PDE10A: variants seen among roughly 807,000 people sequenced by gnomAD.
PDE10A encodes phosphodiesterase 10A.
PDE10A carries 39 observed loss-of-function variants against 97.7 expected under a neutral mutation model. The ratio of observed to expected loss-of-function variants is 0.40; its 90% CI spans 0.31 to 0.52. The LOEUF is 0.52. PDE10A is among the 20% of genes least tolerant of loss of function. The pLI is 0.56. For missense variants in PDE10A, 731 were observed against 1,047.8 expected, an observed-to-expected ratio of 0.70 and a Z score of 4.17; for synonymous variants, 371 against 376.8, an observed-to-expected ratio of 0.98 and a Z score of 0.18.
intron 1 of PDE10A, among the ~76,000 whole-genome samples, chr6:165,827,047 C>T (rs1395931483): frequency 2.0e-5 from 3 of 152,258 alleles, no homozygotes; most frequent in South Asian, 4.1e-4. Context: ...CCTCGGTTGT[C>T]CCCTGACCAG....
intron 13 of PDE10A, among the ~76,000 whole-genome samples, chr6:165,407,331 C>T (rs932141297): frequency 1.3e-5 from 2 of 152,148 alleles, no homozygotes; most frequent in Non-Finnish European, 2.9e-5. Context: ...CTGGCTCTAT[C>T]ACATACTTGC....
intron 13 of PDE10A, among the ~76,000 whole-genome samples, chr6:165,406,649 G>A (rs1482476398): frequency 1.3e-5 from 2 of 152,098 alleles, no homozygotes; most frequent in Non-Finnish European, 2.9e-5. Context: ...TGGGTTAGAG[G>A]ATGCTCGGAT....
At position 165,453,798 on chromosome 6, in the gene PDE10A, G is replaced by A. The variant is rs180902288; in HGVS notation, c.1024-3436C>T. On this transcript the variant is annotated intron_variant, in intron 3 of 21. Coordinates refer to ENST00000539869, the MANE Select transcript of PDE10A (RefSeq NM_001385079.1). ...CAAACTTGTTACAGCAGTGGAGCCC[G>A]CACAGACAGCCCCCAGTAGGCCAAT... Among the ~76,000 whole-genome samples the A allele has an allele frequency of 2.5e-3, 377 of 152,318 alleles. 2 individuals are homozygous for A. Among genetic ancestry groups the A allele is most frequent in the African/African-American group, 8.4e-3 (351 of 41,574 alleles).
chr6:165,453,374 C>T (rs1265314666), intron 3 of PDE10A, among the ~76,000 whole-genome samples: 2 of 152,152 alleles, frequency 1.3e-5, no homozygotes, highest in Non-Finnish European at 2.9e-5. Context: ...TTTCTAAAAA[C>T]CTAAGTAGAG....
upstream of PDE10A, among the ~76,000 whole-genome samples, chr6:165,666,474 G>A (rs1337629057): frequency 7.9e-5 from 12 of 152,092 alleles, no homozygotes; most frequent in East Asian, 2.3e-3. Flanking sequence ...AAAATTATGT[G>A]CGTTTTACAT....
intron 1 of PDE10A, among the ~76,000 whole-genome samples, chr6:165,647,429 C>A (rs1293214294): frequency 3.3e-5 from 5 of 152,170 alleles, no homozygotes; most frequent in African/African-American, 7.2e-5. Context: ...GAGGTGAATT[C>A]TTTTGGAGGT....
intron 1 of PDE10A, among the ~76,000 whole-genome samples, chr6:165,809,467 C>A (rs1007244398): frequency 6.6e-6 from 1 of 152,160 alleles, no homozygotes; most frequent in Non-Finnish European, 1.5e-5. Context: ...GAGCCCTGTG[C>A]TGTGTCCTCT....
chr6:165,612,003 A>G lies in PDE10A; in HGVS notation c.865+49944T>C, dbSNP rs567564569. Among the ~76,000 whole-genome samples, 18 of 152,320 alleles carry G rather than the reference A, an allele frequency of 1.2e-4. No individual in the cohort carries two copies. In the East Asian group the frequency reaches 2.9e-3, roughly 24 times the overall value. The stretch of plus-strand genomic sequence containing the variant: ...CCTCATCTCCCTTGTGCTGAAACAC[A>G]TATGTTACCCACATGCAAAAGACAA... On this transcript the variant is annotated intron_variant, in intron 1 of 21. Transcript: ENST00000539869.
intron 2 of PDE10A, among the ~76,000 whole-genome samples, chr6:165,489,904 G>C (rs775471151): frequency 2.6e-5 from 4 of 152,094 alleles, no homozygotes; most frequent in Non-Finnish European, 5.9e-5. Flanking sequence ...AAAGAAAAAA[G>C]AATTTAATAA....
chr6:165,396,484 AC>A (rs762229474), intron 13 of PDE10A, 25 bp from the exon 14 acceptor site: 77 of 1,565,404 alleles, frequency 4.9e-5, no homozygotes, highest in Middle Eastern at 1.7e-4. Flanking sequence ...CAAAAAAAAA[AC>A]CCCCAAAATT....
chr6:165,656,486 C>T (rs1789973927), intron 1 of PDE10A, among the ~76,000 whole-genome samples: 1 of 151,994 alleles, frequency 6.6e-6, no homozygotes, highest in Admixed American at 6.6e-5. Context: ...TCAGCCCTCT[C>T]CCTGCAGTCA....
At chr6:165,795,300 A>G (rs193085157) in intron 1 of PDE10A, among the ~76,000 whole-genome samples, 217 of 152,294 alleles carry the variant, frequency 1.4e-3, no homozygotes, top group African/African-American at 4.8e-3. Flanking sequence ...TTGGCCATCA[A>G]GCTGTCTGCA....
chr6:165,986,495 T>C (rs1357904043), intron 1 of PDE10A: 1 of 144,252 alleles, frequency 6.9e-6, no homozygotes, highest in East Asian at 2.1e-4. Flanking sequence ...TTTGCTGGTG[T>C]TGCGCCTCTC....
chr6:165,393,531 TAAAAAA>T (rs201551369), intron 15 of PDE10A, among the ~76,000 whole-genome samples: 1 of 148,102 alleles, frequency 6.8e-6, no homozygotes, highest in Non-Finnish European at 1.5e-5. Flanking sequence ...CATAAAAACT[TAAAAAA>T]AAAAGTAACC....
intron 1 of PDE10A, among the ~76,000 whole-genome samples, chr6:165,903,921 T>G (rs1355211306): frequency 6.6e-6 from 1 of 152,120 alleles, no homozygotes; most frequent in Non-Finnish European, 1.5e-5. Context: ...CCAATGGATT[T>G]AGCAAGAAGG....
chr6:165,634,264 TGTGGAGC>T (rs1003871082), intron 1 of PDE10A, among the ~76,000 whole-genome samples: 4 of 152,150 alleles, frequency 2.6e-5, no homozygotes, highest in African/African-American at 9.7e-5. Flanking sequence ...TGTGTGTGTG[TGTGGAGC>T]GTCATGGGTT....
At chr6:165,412,217 A>C (rs1787914290) in intron 13 of PDE10A, among the ~76,000 whole-genome samples, 1 of 152,152 alleles carries the variant, frequency 6.6e-6, no homozygotes, top group African/African-American at 2.4e-5. Flanking sequence ...TAAAGCATAA[A>C]ATATATTCAA....
chr6:165,890,509 G>C (rs1781763008), intron 1 of PDE10A, among the ~76,000 whole-genome samples: 1 of 152,148 alleles, frequency 6.6e-6, no homozygotes, highest in South Asian at 2.1e-4. Context: ...AAGCTGCTGA[G>C]TTTGTCAGCA....
intron 1 of PDE10A, among the ~76,000 whole-genome samples, chr6:165,567,994 A>ATTTTTTTTTTT (rs386409260): frequency 1.5e-5 from 2 of 130,646 alleles, no homozygotes; most frequent in African/African-American, 6.1e-5. Context: ...GCAACAAGGC[A>ATTTTTTTTTTT]TTTTTTTTTT....
Sources: gnomAD v4.1 joint callset for allele counts (sites outside exome capture counted in the v4.1 genomes callset) on GRCh38, gnomAD v4.1.1 for gene constraint, MANE v1.5 for transcripts, NCBI Gene and HGNC (gene_info 2026-07-23, HGNC 2026-07-21) for gene names.